NKD2: variants seen among roughly 807,000 people sequenced by gnomAD.
NKD2 encodes protein naked cuticle homolog 2.
Under a neutral mutation model 34.8 loss-of-function variants are expected in NKD2, and 43 were observed. That is an observed-to-expected ratio of 1.24 (90% CI 0.97 to 1.60). The LOEUF (loss-of-function observed/expected upper bound fraction) is 1.60. NKD2 is among the 40% of genes most tolerant of loss of function. The probability of loss-of-function intolerance (pLI) is 0.00; values close to 1 mark genes in which losing one functional copy is unlikely to be tolerated. For missense variants in NKD2, 675 were observed against 627.1 expected (o/e 1.08, Z -0.82); for synonymous variants, 278 against 265.1 (o/e 1.05, Z -0.47).
intron 8 of NKD2, chr5:1,035,733 C>G (rs1300551046): frequency 1.3e-5 from 7 of 529,250 alleles, no homozygotes; most frequent in Non-Finnish European, 2.3e-5. Context: ...TCAGTCTGGA[C>G]TTGCTGTGGC....
In NKD2 at chr5:1,038,489, C is replaced by G; in HGVS notation, c.*116C>G. 1.3e-6 allele frequency: 2 copies of G among 1,531,070 alleles called. No individual in the cohort carries two copies. The highest frequency in any genetic ancestry group is 1.8e-6 in the Non-Finnish European group (2 of 1,142,686). The allele number at this position is 1,531,070 out of a possible 1,614,324, so 94.8% of individuals were successfully genotyped here. On this transcript the variant is annotated 3_prime_UTR_variant, in exon 10 of 10. Transcript: ENST00000296849. The surrounding 1 kb of genome is among the most constrained non-coding windows in gnomAD (Gnocchi z 4.5). ...GGAGCCCAGCCCCCACCCCCCACCT[C>G]CGACAGCAAACAGCAACTGACTGCA...
rs1360727444 is a variant in NKD2, at chr5:1,038,280, G to A, written c.1263G>A (p.Glu421=). The A allele has an allele frequency of 1.3e-6, 2 of 1,565,076 alleles. No homozygotes were observed. The highest frequency in any genetic ancestry group is 1.7e-6 in the Non-Finnish European group (2 of 1,160,876). ...VRDLPPTPAG[E]GYAVPVIQRH... ...ACCTGCCGCCCACGCCAGCAGGAGAGGGCTACGCGGTGCCAGTGATCCAGC... is the reference window on the plus strand; with the variant it reads ...ACCTGCCGCCCACGCCAGCAGGAGAAGGCTACGCGGTGCCAGTGATCCAGC... Residue 421 remains glutamate (E), a synonymous_variant, in exon 10 of 10, where the codon GAG becomes GAA. Coordinates refer to ENST00000296849, the MANE Select transcript of NKD2 (RefSeq NM_033120.4). The surrounding 1 kb of genome is among the most constrained non-coding windows in gnomAD (Gnocchi z 4.5).
chr5:1,026,414 A>G (rs1278854080), intron 3 of NKD2, among the ~76,000 whole-genome samples: 20 of 85,834 alleles, frequency 2.3e-4, no homozygotes, highest in African/African-American at 9.0e-4. Flanking sequence ...TGGGCGTCCC[A>G]GCCCTTTTTC....
chr5:1,036,800 C>T, intron 9 of NKD2: 2 of 459,320 alleles, frequency 4.4e-6, no homozygotes, highest in Non-Finnish European at 8.7e-6. Flanking sequence ...GTGTGGACAA[C>T]AGGCAGTGTG....
At chr5:1,036,219 CTG>C (rs754450829) in intron 8 of NKD2, 36 bp from the exon 9 acceptor site, 9 of 1,511,326 alleles carry the variant, frequency 6.0e-6, no homozygotes, top group Non-Finnish European at 8.0e-6. Context: ...GCCACCCAGT[CTG>C]TGCGGGGGTC....
chr5:1,020,871 G>A (rs1756150458), intron 3 of NKD2, among the ~76,000 whole-genome samples: 1 of 152,002 alleles, frequency 6.6e-6, no homozygotes, highest in Non-Finnish European at 1.5e-5. Flanking sequence ...GGCAGGGGTG[G>A]GCACTGCAGA....
Position 1,034,910 on chromosome 5 carries a change from G to A in NKD2, c.574+7G>A, listed in dbSNP as rs1175818103. ...GGTCCTCCTGCTGGCCAGGGTGAGT[G>A]AGGCCTGGGCACACACAGAGGACCC... is the stretch of plus-strand genomic sequence containing the variant. On this transcript the variant is annotated splice_region_variant and intron_variant, in intron 7 of 9. Transcript: ENST00000296849. The A allele has an allele frequency of 1.9e-6, 3 of 1,604,254 alleles. No homozygotes were observed. The highest frequency in any genetic ancestry group is 2.6e-6 in the Non-Finnish European group (3 of 1,175,590).
chr5:1,027,880 C>A (rs950834877), intron 3 of NKD2, among the ~76,000 whole-genome samples: 6 of 152,250 alleles, frequency 3.9e-5, no homozygotes, highest in Admixed American at 1.3e-4. Context: ...TGCACCGGCA[C>A]TTCCAGGTTG....
chr5:1,014,495 T>C (rs113259432), intron 3 of NKD2, among the ~76,000 whole-genome samples: 1 of 152,168 alleles, frequency 6.6e-6, no homozygotes, highest in Non-Finnish European at 1.5e-5. Flanking sequence ...CTGCTGTGCA[T>C]GCCTCCCGTG....
At chr5:1,031,706 A>C (rs570789665) in intron 3 of NKD2, among the ~76,000 whole-genome samples, 2 of 152,156 alleles carry the variant, frequency 1.3e-5, no homozygotes, top group South Asian at 2.1e-4. Context: ...CGGCAGCCCT[A>C]TAAGAGGCAT....
intron 3 of NKD2, among the ~76,000 whole-genome samples, chr5:1,013,064 G>A (rs996795345): frequency 3.9e-5 from 6 of 152,278 alleles, no homozygotes; most frequent in East Asian, 1.9e-4. Flanking sequence ...CTTGGTGCTC[G>A]GCCACGTGCC....
chr5:1,021,708 A>G (rs116034498), intron 3 of NKD2, among the ~76,000 whole-genome samples: 1 of 151,462 alleles, frequency 6.6e-6, no homozygotes, highest in Non-Finnish European at 1.5e-5. Flanking sequence ...ATTCCATCCT[A>G]TGGCGGCCGG....
chr5:1,019,262 C>A (rs75724198), intron 3 of NKD2, among the ~76,000 whole-genome samples: 4,481 of 152,320 alleles, frequency 0.029, 131 homozygotes, highest in South Asian at 0.13. Context: ...TCCCGAGAAC[C>A]CTGCAGCCTC....
chr5:1,038,003 A>C lies in NKD2; in HGVS notation c.986A>C (p.Gln329Pro). The change falls in exon 10 of 10, where the codon CAG (glutamine) becomes CCG (proline). Residue 329 changes from glutamine to proline, a missense_variant. Gln to Pro is a moderately conservative substitution (Grantham distance 76, BLOSUM62 -1). Transcript: ENST00000296849. The surrounding 1 kb of genome is among the most constrained non-coding windows in gnomAD (Gnocchi z 4.5). ...CCCCGGCCGAAGGGGCCGGAGAAGCAGTTCCTCAAGTCCCCCAAGGGCTCC... is the reference window on the plus strand; with the variant it reads ...CCCCGGCCGAAGGGGCCGGAGAAGCCGTTCCTCAAGTCCCCCAAGGGCTCC... Reference protein sequence around the residue: ...TQPRPKGPEKQFLKSPKGSGK... With the variant: ...TQPRPKGPEKPFLKSPKGSGK... The C allele has an allele frequency of 1.9e-6, 3 of 1,607,746 alleles. No individual in the cohort carries two copies. Among genetic ancestry groups the C allele is most frequent in the Non-Finnish European group, 2.5e-6 (3 of 1,178,432 alleles).
intron 3 of NKD2, among the ~76,000 whole-genome samples, chr5:1,010,062 C>T (rs200140726): frequency 6.6e-6 from 1 of 152,088 alleles, no homozygotes; most frequent in East Asian, 1.9e-4. Flanking sequence ...GAGGGGTGAC[C>T]ACAGGCCTGC....
At position 1,038,331 on chromosome 5, in the gene NKD2, GCACCACCACCAC is replaced by G. The variant is rs3840989; in HGVS notation, c.1330_1341del (p.His444_His447del). 3.4e-5 allele frequency: 52 copies of G among 1,528,454 alleles called. No homozygotes were observed. Among genetic ancestry groups the G allele is most frequent in the Middle Eastern group, 1.9e-4 (1 of 5,156 alleles). The allele number at this position is 1,528,454 out of a possible 1,614,324, so 94.7% of individuals were successfully genotyped here. Reference sequence around the variant, plus strand: ...GGCACGAGCACCACCACCACCACGAGCACCACCACCACCACCACCACCACCACTTCCACCCGT... The same window carrying G: ...GGCACGAGCACCACCACCACCACGAGCACCACCACCACCACTTCCACCCGT... On this transcript the variant is annotated inframe_deletion, in exon 10 of 10. Transcript: ENST00000296849. The surrounding 1 kb of genome is among the most constrained non-coding windows in gnomAD (Gnocchi z 4.5).
intron 3 of NKD2, among the ~76,000 whole-genome samples, chr5:1,011,505 G>C (rs1018244896): frequency 6.6e-6 from 1 of 152,086 alleles, no homozygotes; most frequent in African/African-American, 2.4e-5. Context: ...TATCCACTGA[G>C]GAGGGCCAGT....
chr5:1,030,425 A>G (rs881335), intron 3 of NKD2, among the ~76,000 whole-genome samples: 76,280 of 152,094 alleles, frequency 0.5, 19,308 homozygotes, highest in East Asian at 0.63. Flanking sequence ...TAGAGCTCCT[A>G]GTATCTGGTC....
intron 9 of NKD2, chr5:1,037,374 A>G (rs1262186640): frequency 5.5e-6 from 4 of 729,974 alleles, no homozygotes; most frequent in African/African-American, 5.3e-5. Flanking sequence ...CAGGAGCTGC[A>G]CCCTACAGGG....
Sources: allele counts gnomAD v4.1 joint callset (sites outside exome capture counted in the v4.1 genomes callset), GRCh38; gene constraint gnomAD v4.1.1; non-coding constraint Gnocchi (gnomAD v3.1); transcripts MANE v1.5; gene names NCBI Gene and HGNC (gene_info 2026-07-23, HGNC 2026-07-21).